CPNE2: variants seen among roughly 807,000 people sequenced by gnomAD.
The protein encoded by CPNE2 is copine 2.
A neutral mutation model predicts 69.7 loss-of-function variants in CPNE2; 42 were observed. The ratio of observed to expected loss-of-function variants is 0.60; its 90% confidence interval spans 0.47 to 0.78. CPNE2 has a LOEUF of 0.78. Among genes scored for constraint, CPNE2 ranks in the 30% least tolerant of loss-of-function variants. The pLI, the probability that CPNE2 is intolerant of heterozygous loss-of-function variation, is 0.00. For synonymous variants in CPNE2, 294 were observed against 289.8 expected, an observed-to-expected ratio of 1.01 and a Z score of -0.15; for missense variants, 587 against 732.0, an observed-to-expected ratio of 0.80 and a Z score of 2.29.
intron 1 of CPNE2, among the ~76,000 whole-genome samples, chr16:57,101,788 T>A (rs2069615519): frequency 6.6e-6 from 1 of 152,164 alleles, no homozygotes; most frequent in South Asian, 2.1e-4. Context: ...CAATCTGTAT[T>A]TGAACAAGAT....
chr16:57,135,214 A>C (rs1390123919), intron 13 of CPNE2, among the ~76,000 whole-genome samples: 1 of 151,766 alleles, frequency 6.6e-6, no homozygotes, highest in African/African-American at 2.4e-5. Context: ...ACCTGCTTTC[A>C]CCTCCTTCCC....
rs541499084 is a variant in CPNE2, at chr16:57,108,954, C to G, written c.-35-1754C>G. On this transcript the variant is annotated intron_variant, in intron 1 of 15. Transcript: ENST00000290776. ...TTGTCCATTCATTCATTTATACACT[C>G]ATCCTTTTTTCATTCAGCAAGTATA... is the stretch of plus-strand genomic sequence containing the variant. 2.0e-5 allele frequency among the ~76,000 whole-genome samples: 3 copies of G among 152,334 alleles called. No homozygotes were observed. In the South Asian group the frequency reaches 6.2e-4, roughly 32 times the overall value.
At chr16:57,138,547 C>G (rs1365800823) in intron 14 of CPNE2, among the ~76,000 whole-genome samples, 6 of 152,178 alleles carry the variant, frequency 3.9e-5, no homozygotes, top group African/African-American at 1.4e-4. Flanking sequence ...CCACCTAACC[C>G]CCCGTGTGTT....
intron 11 of CPNE2, 139 bp downstream of exon 11, chr16:57,126,132 A>G: frequency 9.2e-7 from 1 of 1,085,456 alleles, no homozygotes; most frequent in Non-Finnish European, 1.3e-6. Context: ...GTTATTACCC[A>G]TTCCCATACC....
At chr16:57,113,523 A>T in intron 3 of CPNE2, 56 bp downstream of exon 3, 1 of 1,554,618 alleles carries the variant, frequency 6.4e-7, no homozygotes, top group Non-Finnish European at 8.7e-7. Context: ...CAACCCCTCA[A>T]AAAGTCTCTT....
chr16:57,137,310 G>T, intron 14 of CPNE2, 28 bp downstream of exon 14: 1 of 1,613,326 alleles, frequency 6.2e-7, no homozygotes. Flanking sequence ...AGCCAGTCAT[G>T]CCAGGAAACA....
chr16:57,136,571 G>A (rs1834582400), intron 13 of CPNE2, among the ~76,000 whole-genome samples: 1 of 152,002 alleles, frequency 6.6e-6, no homozygotes, highest in African/African-American at 2.4e-5. Context: ...AGACAAAGAC[G>A]TAGCCTCAGA....
At chr16:57,095,494 A>G (rs1273916046) in intron 1 of CPNE2, among the ~76,000 whole-genome samples, 1 of 151,808 alleles carries the variant, frequency 6.6e-6, no homozygotes, top group Non-Finnish European at 1.5e-5. Context: ...ATTTTTTGAG[A>G]CAGGATCTTG....
At chr16:57,123,761 G>A (rs1017295276) in intron 10 of CPNE2, 7 of 482,860 alleles carry the variant, frequency 1.4e-5, no homozygotes, top group Non-Finnish European at 1.9e-5. Flanking sequence ...CTCCTCACTG[G>A]CCACAAGGCC....
chr16:57,146,767 C>T lies in CPNE2; in HGVS notation c.1539+446C>T, dbSNP rs2069961458. ...AGGTTGACCTCCTCTCCCTAAAGCC[C>T]TCTGCCTGGGAGAATGGTGTCCCCA... On this transcript the variant is annotated intron_variant, in intron 15 of 15. Coordinates refer to ENST00000290776, the MANE Select transcript of CPNE2 (RefSeq NM_152727.6). The surrounding 1 kb of genome is among the most constrained non-coding windows in gnomAD (Gnocchi z 4.4). The T allele has an allele frequency of 5.8e-6, 1 of 172,740 alleles. No individual in the cohort carries two copies. The allele number at this position is 172,740 out of a possible 1,614,324, so 10.7% of individuals were successfully genotyped here.
chr16:57,146,133 G>T lies in CPNE2; in HGVS notation c.1351G>T (p.Glu451Ter), dbSNP rs2069955641. 1 of 1,598,188 alleles carries T rather than the reference G, an allele frequency of 6.3e-7. No homozygotes were observed. Among genetic ancestry groups the T allele is most frequent in the Non-Finnish European group, 8.5e-7 (1 of 1,171,876 alleles). Residue 451 changes from glutamate (E) to a stop codon, truncating the protein, a stop_gained, in exon 15 of 16, where the codon GAG becomes TAG. Transcript: ENST00000290776. LOFTEE classifies it high-confidence loss of function. This position sits in a 1 kb window ranked among gnomAD's most constrained non-coding sequence, Gnocchi z 4.4. ...CACGGACGGGGTCATCAGTGACATG[G>T]AGGAGACACGGCATGCCGTGGTGCA... ...IITDGVISDM[E>*]ETRHAVVQAS...
intron 14 of CPNE2, among the ~76,000 whole-genome samples, chr16:57,140,078 C>T (rs1214944419): frequency 1.3e-5 from 2 of 152,138 alleles, no homozygotes; most frequent in Non-Finnish European, 2.9e-5. Flanking sequence ...GCTCAGAGTG[C>T]CAGAAGGAGC....
At chr16:57,112,321 A>G (rs1227699163) in intron 2 of CPNE2, among the ~76,000 whole-genome samples, 1 of 152,094 alleles carries the variant, frequency 6.6e-6, no homozygotes, top group Non-Finnish European at 1.5e-5. Flanking sequence ...AGCCTGTGAG[A>G]GGCATGTCTG....
chr16:57,138,966 A>G (rs1265403570), intron 14 of CPNE2, among the ~76,000 whole-genome samples: 1 of 152,222 alleles, frequency 6.6e-6, no homozygotes, highest in African/African-American at 2.4e-5. Context: ...TGGGAAAGAT[A>G]GTGCAACTGC....
intron 9 of CPNE2, 142 bp from the exon 10 acceptor site, chr16:57,123,272 G>A (rs1597498836): frequency 3.7e-6 from 3 of 806,562 alleles, no homozygotes; most frequent in East Asian, 4.9e-5. Flanking sequence ...AGAGATTTGG[G>A]TTTTGTTGTA....
At chr16:57,102,074 A>C (rs1245138125) in intron 1 of CPNE2, among the ~76,000 whole-genome samples, 20 of 151,536 alleles carry the variant, frequency 1.3e-4, no homozygotes, top group Non-Finnish European at 2.8e-4. Flanking sequence ...CAGCCTCCCA[A>C]GTACCTGGGA....
intron 1 of CPNE2, among the ~76,000 whole-genome samples, chr16:57,102,309 C>T (rs763924425): frequency 1.3e-4 from 20 of 152,128 alleles, no homozygotes; most frequent in Non-Finnish European, 2.5e-4. Flanking sequence ...GGAAACCACA[C>T]GTGGTGACAG....
At chr16:57,093,826 T>C (rs775541218) in intron 1 of CPNE2, 13 of 332,716 alleles carry the variant, frequency 3.9e-5, no homozygotes, top group South Asian at 2.8e-4. Flanking sequence ...CTTCACGGAC[T>C]GCAGGGAGCC....
intron 11 of CPNE2, among the ~76,000 whole-genome samples, chr16:57,126,363 G>A (rs567979105): frequency 3.9e-5 from 6 of 152,336 alleles, no homozygotes; most frequent in African/African-American, 1.4e-4. Flanking sequence ...CAGATCATGG[G>A]ACCAGAGGCC....
Sources: gnomAD v4.1 joint callset for allele counts (sites outside exome capture counted in the v4.1 genomes callset) on GRCh38, gnomAD v4.1.1 for gene constraint, Gnocchi (gnomAD v3.1) non-coding constraint, MANE v1.5 for transcripts, NCBI Gene and HGNC (gene_info 2026-07-23, HGNC 2026-07-21) for gene names.